Variants in SHISA6 observed in about 807,000 individuals in gnomAD.
SHISA6 encodes the protein protein shisa-6.
A neutral mutation model predicts 47.9 loss-of-function variants in SHISA6; 22 were observed. That is an observed-to-expected ratio of 0.46 (90% CI 0.33 to 0.66). The LOEUF (loss-of-function observed/expected upper bound fraction) is 0.66, where lower values mean the gene tolerates loss of function less well. Among genes scored for constraint, SHISA6 ranks in the 30% least tolerant of loss-of-function variants. The probability of loss-of-function intolerance (pLI) is 0.02; values close to 1 mark genes in which losing one functional copy is unlikely to be tolerated. For synonymous variants in SHISA6, 388 were observed against 337.8 expected (o/e 1.15, Z -1.63); for missense variants, 680 against 764.6 (o/e 0.89, Z 1.30).
intron 3 of SHISA6, among the ~76,000 whole-genome samples, chr17:11,495,033 C>T (rs1182269951): frequency 6.6e-6 from 1 of 152,116 alleles, no homozygotes; most frequent in African/African-American, 2.4e-5. Context: ...GTGGGGTTTC[C>T]TGAGACATGG....
At chr17:11,313,496 C>T (rs1177523404) in intron 2 of SHISA6, among the ~76,000 whole-genome samples, 2 of 152,090 alleles carry the variant, frequency 1.3e-5, no homozygotes, top group Non-Finnish European at 2.9e-5. Flanking sequence ...ACATGATATC[C>T]AGAAACGAGT....
At chr17:11,314,407 A>G (rs927479774) in intron 2 of SHISA6, among the ~76,000 whole-genome samples, 2 of 151,986 alleles carry the variant, frequency 1.3e-5, no homozygotes, top group African/African-American at 4.8e-5. Flanking sequence ...AGATTTTAAA[A>G]TGAATCTGTA....
chr17:11,248,267 G>A (rs574429444), intron 1 of SHISA6, among the ~76,000 whole-genome samples: 5 of 152,210 alleles, frequency 3.3e-5, no homozygotes, highest in South Asian at 4.1e-4. Flanking sequence ...TGAAAAAGCA[G>A]GGTAGTACAT....
At chr17:11,280,668 A>G (rs1419285972) in intron 2 of SHISA6, among the ~76,000 whole-genome samples, 1 of 152,256 alleles carries the variant, frequency 6.6e-6, no homozygotes, top group Non-Finnish European at 1.5e-5. Flanking sequence ...GGTAAATAAG[A>G]CTTGAATGGT....
intron 2 of SHISA6, among the ~76,000 whole-genome samples, chr17:11,331,623 A>C (rs1911117378): frequency 6.6e-6 from 1 of 152,084 alleles, no homozygotes; most frequent in African/African-American, 2.4e-5. Flanking sequence ...CCATGCATGC[A>C]CTCACAATGA....
At chr17:11,327,301 A>T (rs1240969532) in intron 2 of SHISA6, among the ~76,000 whole-genome samples, 1 of 152,190 alleles carries the variant, frequency 6.6e-6, no homozygotes, top group East Asian at 1.9e-4. Context: ...GATCACCATG[A>T]TGGGGTTTCT....
intron 3 of SHISA6, among the ~76,000 whole-genome samples, chr17:11,520,616 C>G (rs960411450): frequency 6.6e-6 from 1 of 152,166 alleles, no homozygotes; most frequent in Non-Finnish European, 1.5e-5. Context: ...TAGCTCATCT[C>G]TTTCCTACGT....
intron 3 of SHISA6, among the ~76,000 whole-genome samples, chr17:11,385,451 G>A (rs8065704): frequency 0.11 from 16,337 of 152,050 alleles, 911 homozygotes; most frequent in East Asian, 0.18. Flanking sequence ...GAAAAGACAC[G>A]TTTTGGGGCT....
chr17:11,277,333 A>C (rs539290953), intron 2 of SHISA6, among the ~76,000 whole-genome samples: 1 of 146,920 alleles, frequency 6.8e-6, no homozygotes, highest in South Asian at 2.2e-4. Flanking sequence ...GCATGTACGT[A>C]TACAGACTTT....
At chr17:11,396,790 C>A (rs1913585285) in intron 3 of SHISA6, among the ~76,000 whole-genome samples, 1 of 152,128 alleles carries the variant, frequency 6.6e-6, no homozygotes, top group Admixed American at 6.5e-5. Flanking sequence ...ATACCTAATG[C>A]ATGCGGGGCT....
chr17:11,290,402 G>C (rs1909486890), intron 2 of SHISA6: 1 of 149,076 alleles, frequency 6.7e-6, no homozygotes, highest in Admixed American at 6.7e-5. Flanking sequence ...CCAGGCTGGA[G>C]TGCAGTGGCG....
rs527634327 is a variant in SHISA6 at position 11,394,284 on chromosome 17, A to G, written c.895+14775A>G. Among the ~76,000 whole-genome samples, 226 of 152,316 alleles carry G rather than the reference A, an allele frequency of 1.5e-3. 8 individuals are homozygous for G. The South Asian group carries it at 0.044, about 30-fold the overall frequency. On this transcript the variant is annotated intron_variant, in intron 3 of 5. Transcript: ENST00000441885. ...CTGAGAACTTCCAGGTAAATGTAGT[A>G]TTAGAAAATTGCTTCATCTTTCTGA...
chr17:11,276,673 C>T (rs1328646432), intron 2 of SHISA6, among the ~76,000 whole-genome samples: 1 of 151,964 alleles, frequency 6.6e-6, no homozygotes, highest in African/African-American at 2.4e-5. Context: ...TCACCACTGC[C>T]ATTGACATCA....
chr17:11,294,305 A>G (rs1428037305), intron 2 of SHISA6, among the ~76,000 whole-genome samples: 3 of 152,212 alleles, frequency 2.0e-5, no homozygotes, highest in Non-Finnish European at 4.4e-5. Flanking sequence ...TCTCCAGCCT[A>G]GTAACCAACT....
intron 3 of SHISA6, among the ~76,000 whole-genome samples, chr17:11,452,687 CCT>C (rs1340356396): frequency 2.9e-5 from 4 of 140,004 alleles, no homozygotes; most frequent in Non-Finnish European, 3.1e-5. Flanking sequence ...CTCTTCCTCT[CCT>C]CTCTCTTTCT....
chr17:11,260,892 G>A (rs927011527), intron 1 of SHISA6, among the ~76,000 whole-genome samples: 5 of 151,996 alleles, frequency 3.3e-5, no homozygotes, highest in African/African-American at 1.2e-4. Context: ...TCTCTCAGAT[G>A]CTGGAAGCTG....
chr17:11,512,106 C>T (rs2071545955), intron 3 of SHISA6, among the ~76,000 whole-genome samples: 1 of 152,214 alleles, frequency 6.6e-6, no homozygotes, highest in Non-Finnish European at 1.5e-5. Flanking sequence ...TTCTTAAGTA[C>T]AATTTCATGT....
intron 3 of SHISA6, among the ~76,000 whole-genome samples, chr17:11,417,713 T>G (rs943767650): frequency 2.0e-5 from 3 of 152,212 alleles, no homozygotes; most frequent in African/African-American, 7.2e-5. Flanking sequence ...AGTTCGGACA[T>G]GGTAGGAACA....
intron 2 of SHISA6, among the ~76,000 whole-genome samples, chr17:11,345,229 A>G (rs1911660920): frequency 1.3e-5 from 2 of 152,100 alleles, no homozygotes; most frequent in Admixed American, 1.3e-4. Context: ...TATCTTGGCT[A>G]TTGTGAGTAG....
Sources: gnomAD v4.1 joint callset for allele counts (sites outside exome capture counted in the v4.1 genomes callset) on GRCh38, gnomAD v4.1.1 for gene constraint, MANE v1.5 for transcripts, NCBI Gene and HGNC (gene_info 2026-07-23, HGNC 2026-07-21) for gene names.